Variants in TSHZ2 observed in about 807,000 individuals in gnomAD.
TSHZ2 encodes the protein teashirt zinc finger homeobox 2.
Under a neutral mutation model 74.4 loss-of-function variants are expected in TSHZ2, and 21 were observed. That is an observed-to-expected ratio of 0.28 (90% CI 0.20 to 0.41). The LOEUF (loss-of-function observed/expected upper bound fraction) is 0.41. Ranked by LOEUF, TSHZ2 falls within the 10% of genes least tolerant of loss-of-function variation. TSHZ2 has a pLI of 1.00. For synonymous variants in TSHZ2, 540 were observed against 515.3 expected (o/e 1.05, Z -0.65); for missense variants, 1,244 against 1,293.5 (o/e 0.96, Z 0.59).
chr20:53,080,331 A>G (rs1985493561), intron 1 of TSHZ2, among the ~76,000 whole-genome samples: 1 of 152,172 alleles, frequency 6.6e-6, no homozygotes, highest in South Asian at 2.1e-4. Context: ...AGAGGATGGT[A>G]TTTCCTGGCT....
At position 53,070,105 on chromosome 20, in the gene TSHZ2, C is replaced by G. The variant is rs1342031646; in HGVS notation, c.40+96772C>G. Reference sequence around the variant, plus strand: ...TCATCTTATTTAGCAAGAAAAACTTCATGAAAGACCTTAGAACAACATTAC... The same window carrying G: ...TCATCTTATTTAGCAAGAAAAACTTGATGAAAGACCTTAGAACAACATTAC... On this transcript the variant is annotated intron_variant, in intron 1 of 2. Transcript: ENST00000371497. Among the ~76,000 whole-genome samples, 3 of 152,164 alleles carry G rather than the reference C, an allele frequency of 2.0e-5. No individual in the cohort carries two copies. The East Asian group carries it at 5.8e-4, about 29-fold the overall frequency.
chr20:53,194,907 C>A (rs1469713335), intron 1 of TSHZ2, among the ~76,000 whole-genome samples: 1 of 152,232 alleles, frequency 6.6e-6, no homozygotes, highest in Non-Finnish European at 1.5e-5. Context: ...GCAAAGATTA[C>A]AGAATGAGTG....
intron 2 of TSHZ2, among the ~76,000 whole-genome samples, chr20:53,352,777 CAAAAAAA>C (rs869247919): frequency 6.1e-5 from 4 of 65,638 alleles, no homozygotes; most frequent in Non-Finnish European, 9.7e-5. Context: ...CTGTCTCAAA[CAAAAAAA>C]AAAAAAAAAA....
chr20:53,301,640 G>A (rs1017262423), intron 2 of TSHZ2, among the ~76,000 whole-genome samples: 1 of 152,120 alleles, frequency 6.6e-6, no homozygotes, highest in African/African-American at 2.4e-5. Context: ...CATAGAGAAC[G>A]ACAGATACAC....
intron 1 of TSHZ2, among the ~76,000 whole-genome samples, chr20:53,164,524 A>G (rs1022794818): frequency 2.0e-5 from 3 of 152,208 alleles, no homozygotes; most frequent in Non-Finnish European, 4.4e-5. Flanking sequence ...ACTTTCTGTG[A>G]TGATGGAAAT....
In TSHZ2 at chr20:53,323,563, C is replaced by CTTTTTTTTTT. The variant is rs34687825; in HGVS notation, c.*8+67015_*8+67024dup. Among the ~76,000 whole-genome samples, 104 of 36,678 alleles carry CTTTTTTTTTT rather than the reference C, an allele frequency of 2.8e-3. 27 individuals are homozygous for CTTTTTTTTTT. The highest frequency in any genetic ancestry group is 3.7e-3 in the Non-Finnish European group (80 of 21,684). The allele number at this position is 36,678 out of a possible 152,430, so 24.1% of individuals were successfully genotyped here. On this transcript the variant is annotated intron_variant, in intron 2 of 2. Transcript: ENST00000371497. Reference sequence around the variant, plus strand: ...CACCCGTTTTCATTGCCTTGGAGGGCTTTTTTTTTTTTTTTTTTTTTTTTT... The same window carrying CTTTTTTTTTT: ...CACCCGTTTTCATTGCCTTGGAGGGCTTTTTTTTTTTTTTTTTTTTTTTTTTTTTTTTTTT...
In TSHZ2 at chr20:53,074,194, T is replaced by C. The variant is rs1263264975; in HGVS notation, c.40+100861T>C. On this transcript the variant is annotated intron_variant, in intron 1 of 2. Transcript: ENST00000371497. The surrounding 1 kb of genome is among the most constrained non-coding windows in gnomAD (Gnocchi z 5.9). Reference sequence around the variant, plus strand: ...TCTCAATGGAGCCCTCCTTGACCACTCCCTTGTGAAGTTAGAGGATTCTTC... The same window carrying C: ...TCTCAATGGAGCCCTCCTTGACCACCCCCTTGTGAAGTTAGAGGATTCTTC... 2.0e-5 allele frequency among the ~76,000 whole-genome samples: 3 copies of C among 152,202 alleles called. No individual in the cohort carries two copies. The highest frequency in any genetic ancestry group is 2.0e-4 in the Admixed American group (3 of 15,282).
intron 1 of TSHZ2, among the ~76,000 whole-genome samples, chr20:53,197,322 A>T (rs1030024190): frequency 2.0e-5 from 3 of 152,224 alleles, no homozygotes; most frequent in African/African-American, 7.2e-5. Flanking sequence ...TTTTTAAAAA[A>T]ATTTTGATTC....
In TSHZ2 at chr20:53,067,704, C is replaced by T. The variant is rs529593055; in HGVS notation, c.40+94371C>T. ...CAAATAGATCTTTTGAAAATGTAAA[C>T]GTGATAGATACGGTCACTTTCTTGC... On this transcript the variant is annotated intron_variant, in intron 1 of 2. Transcript: ENST00000371497. Among the ~76,000 whole-genome samples, 112 of 152,294 alleles carry T rather than the reference C, an allele frequency of 7.4e-4. 1 individual carries two copies. Among genetic ancestry groups the T allele is most frequent in the African/African-American group, 2.6e-3 (108 of 41,560 alleles).
intron 1 of TSHZ2, among the ~76,000 whole-genome samples, chr20:53,007,495 T>G (rs973244415): frequency 2.0e-5 from 3 of 152,132 alleles, no homozygotes; most frequent in Non-Finnish European, 4.4e-5. Context: ...AAATACGTGT[T>G]GGATAAAATA....
rs1988577833 is a variant in TSHZ2 at position 53,185,487 on chromosome 20, G to A, written c.41-68012G>A. 54 of 1,375,730 alleles carry A rather than the reference G, an allele frequency of 3.9e-5. No homozygotes were observed. The South Asian group carries it at 7.4e-4, about 19-fold the overall frequency. The allele number at this position is 1,375,730 out of a possible 1,614,324, so 85.2% of individuals were successfully genotyped here. ...GAGGTCAGGAGTTCAAGACCAGCCT[G>A]GCCAACATGGTGAAACCTCAGGAGG... On this transcript the variant is annotated intron_variant, in intron 1 of 2. Coordinates refer to ENST00000371497, the MANE Select transcript of TSHZ2 (RefSeq NM_173485.6).
rs34687825 is a variant in TSHZ2, at chr20:53,323,563, C to CTTTTTTTTTTTTTTTTTT, written c.*8+67007_*8+67024dup. Among the ~76,000 whole-genome samples the CTTTTTTTTTTTTTTTTTT allele has an allele frequency of 2.5e-4, 9 of 36,678 alleles. 3 individuals carry two copies. Among genetic ancestry groups the CTTTTTTTTTTTTTTTTTT allele is most frequent in the Non-Finnish European group, 3.2e-4 (7 of 21,684 alleles). The allele number at this position is 36,678 out of a possible 152,430, so 24.1% of individuals were successfully genotyped here. A position where few individuals can be genotyped will look rare whatever the true frequency, so the allele number is the denominator to read the frequency against. On this transcript the variant is annotated intron_variant, in intron 2 of 2. Transcript: ENST00000371497. ...CACCCGTTTTCATTGCCTTGGAGGG[C>CTTTTTTTTTTTTTTTTTT]TTTTTTTTTTTTTTTTTTTTTTTTT...
intron 2 of TSHZ2, among the ~76,000 whole-genome samples, chr20:53,470,645 G>A (rs191086713): frequency 3.7e-4 from 57 of 152,020 alleles, no homozygotes; most frequent in Non-Finnish European, 6.9e-4. Flanking sequence ...AGTGAAACCC[G>A]CCTCCTAAAA....
chr20:53,199,589 T>G (rs1442493235), intron 1 of TSHZ2, among the ~76,000 whole-genome samples: 1 of 152,228 alleles, frequency 6.6e-6, no homozygotes, highest in African/African-American at 2.4e-5. Context: ...CAGTATCACA[T>G]CCCAACACAT....
At chr20:53,319,907 T>C (rs907514760) in intron 2 of TSHZ2, among the ~76,000 whole-genome samples, 1 of 152,212 alleles carries the variant, frequency 6.6e-6, no homozygotes, top group Non-Finnish European at 1.5e-5. Flanking sequence ...TACTCTACAG[T>C]GTGGCTAGAT....
intron 2 of TSHZ2, among the ~76,000 whole-genome samples, chr20:53,437,404 C>T (rs1984128225): frequency 6.6e-6 from 1 of 152,066 alleles, no homozygotes. Context: ...ACCCGGGGGA[C>T]AGAGGTTGCA....
chr20:53,309,159 T>A lies in TSHZ2; in HGVS notation c.*8+52588T>A, dbSNP rs114435840. ...GGAATTATCTGGACAGCCCAAGAGGTCTTGGGAAATGACTGCCATGAGCTG... is the reference window on the plus strand; with the variant it reads ...GGAATTATCTGGACAGCCCAAGAGGACTTGGGAAATGACTGCCATGAGCTG... On this transcript the variant is annotated intron_variant, in intron 2 of 2. Transcript: ENST00000371497. 5.7e-3 allele frequency among the ~76,000 whole-genome samples: 860 copies of A among 152,042 alleles called. 6 individuals carry two copies. The highest frequency in any genetic ancestry group is 0.02 in the African/African-American group (815 of 41,460).
At chr20:53,183,612 C>G (rs916660253) in intron 1 of TSHZ2, among the ~76,000 whole-genome samples, 1 of 152,132 alleles carries the variant, frequency 6.6e-6, no homozygotes, top group African/African-American at 2.4e-5. Context: ...TACTCAGCTT[C>G]CTCTCACATT....
chr20:53,013,988 A>G (rs181117986), intron 1 of TSHZ2, among the ~76,000 whole-genome samples: 1 of 151,392 alleles, frequency 6.6e-6, no homozygotes, highest in East Asian at 1.9e-4. Flanking sequence ...TGGGGATGAT[A>G]TGAAAGTGAA....
Sources: gnomAD v4.1 joint callset for allele counts (sites outside exome capture counted in the v4.1 genomes callset) on GRCh38, gnomAD v4.1.1 for gene constraint, Gnocchi (gnomAD v3.1) non-coding constraint, MANE v1.5 for transcripts, NCBI Gene and HGNC (gene_info 2026-07-23, HGNC 2026-07-21) for gene names.